AADAC: variants seen among roughly 807,000 people sequenced by gnomAD.
AADAC encodes the protein arylacetamide deacetylase (esterase).
AADAC carries 17 observed loss-of-function variants against 22.7 expected under a neutral mutation model. That is an observed-to-expected ratio of 0.75 (90% CI 0.51 to 1.12). The LOEUF is 1.12. AADAC is among the 50% of genes most tolerant of loss of function. The pLI is 0.00. For synonymous variants in AADAC, 167 were observed against 176.3 expected, an observed-to-expected ratio of 0.95 and a Z score of 0.42; for missense variants, 465 against 473.9, an observed-to-expected ratio of 0.98 and a Z score of 0.17.
rs980283181 is a variant in AADAC at position 151,822,929 on chromosome 3, G to A, written c.432-1734G>A. Among the ~76,000 whole-genome samples, 6 of 151,472 alleles carry A rather than the reference G, an allele frequency of 4.0e-5. 1 individual carries two copies. Among genetic ancestry groups the A allele is most frequent in the Non-Finnish European group, 7.4e-5 (5 of 67,854 alleles). On this transcript the variant is annotated intron_variant, in intron 3 of 4. Transcript: ENST00000232892. The stretch of plus-strand genomic sequence containing the variant: ...TAAAATGGTTATATTAAAAATTAAG[G>A]GCATACTTTTAATGTGTTAATTTTA...
At chr3:151,821,149 G>C (rs1716236958) in intron 3 of AADAC, among the ~76,000 whole-genome samples, 1 of 151,864 alleles carries the variant, frequency 6.6e-6, no homozygotes, top group Non-Finnish European at 1.5e-5. Flanking sequence ...TTCCATCTCA[G>C]ATGGTCACTG....
At position 151,827,977 on chromosome 3, in the gene AADAC, C is replaced by G; in HGVS notation, c.1005C>G (p.Thr335=). Residue 335 remains threonine (T), a synonymous_variant, in exon 5 of 5, where the codon ACC becomes ACG. Coordinates refer to ENST00000232892, the MANE Select transcript of AADAC (RefSeq NM_001086.3). ...ACAAATTACGTGGCTTACCCCTGAC[C>G]TATGTCATCACCTGTCAATATGATC... ...DDNKLRGLPL[T]YVITCQYDLL... is the part of the protein sequence containing the mutation. 2 of 1,612,908 alleles carry G rather than the reference C, an allele frequency of 1.2e-6. No homozygotes were observed. The highest frequency in any genetic ancestry group is 1.7e-6 in the Non-Finnish European group (2 of 1,179,272).
At chr3:151,823,396 A>T (rs1439338604) in intron 3 of AADAC, among the ~76,000 whole-genome samples, 1 of 152,020 alleles carries the variant, frequency 6.6e-6, no homozygotes, top group Non-Finnish European at 1.5e-5. Flanking sequence ...AAGTTTTTAA[A>T]TACATATATA....
At chr3:151,815,297 T>C (rs1013353300) in intron 1 of AADAC, among the ~76,000 whole-genome samples, 1 of 151,870 alleles carries the variant, frequency 6.6e-6, no homozygotes, top group Non-Finnish European at 1.5e-5. Flanking sequence ...CCATTCTAAG[T>C]GCTAAGAAAA....
intron 3 of AADAC, among the ~76,000 whole-genome samples, chr3:151,822,148 A>T (rs1716277672): frequency 6.6e-6 from 1 of 151,944 alleles, no homozygotes; most frequent in Admixed American, 6.6e-5. Flanking sequence ...ACCCACTAGG[A>T]TGGGTATAAT....
rs748240373 is a variant in AADAC at position 151,814,263 on chromosome 3, T to A, written c.101T>A (p.Met34Lys). The A allele has an allele frequency of 6.2e-7, 1 of 1,613,314 alleles. No homozygotes were observed. Among genetic ancestry groups the A allele is most frequent in the African/African-American group, 1.3e-5 (1 of 74,894 alleles). ...AACGTTGAGGAGCCATGGAGAATGA[T>A]GTGGATAAACGCACATCTGAAAACT... Reference protein sequence around the residue: ...PDNVEEPWRMMWINAHLKTIQ... With the variant: ...PDNVEEPWRMKWINAHLKTIQ... Residue 34 changes from methionine (M) to lysine (K), a missense_variant, in exon 1 of 5, where the codon ATG becomes AAG. Coordinates refer to ENST00000232892, the MANE Select transcript of AADAC (RefSeq NM_001086.3).
At chr3:151,824,615 T>A (rs755026725) in intron 3 of AADAC, 48 bp from the exon 4 acceptor site, 1 of 1,315,858 alleles carries the variant, frequency 7.6e-7, no homozygotes, top group South Asian at 1.8e-5. Flanking sequence ...TATTACAGTC[T>A]AATCAAAACA....
Position 151,827,946 on chromosome 3 carries a change from A to G in AADAC, c.974A>G (p.Asp325Gly). Reference sequence around the variant, plus strand: ...GTGAGGGCAGCCCCTTTGTTGGCTGATGACAACAAATTACGTGGCTTACCC... The same window carrying G: ...GTGAGGGCAGCCCCTTTGTTGGCTGGTGACAACAAATTACGTGGCTTACCC... ...LDVRAAPLLA[D>G]DNKLRGLPLT... is the part of the protein sequence containing the mutation. The change falls in exon 5 of 5, where the codon GAT becomes GGT. Residue 325 changes from aspartate (D) to glycine (G), a missense_variant. By Grantham distance (94) the Asp-to-Gly change is moderately conservative. Coordinates refer to ENST00000232892, the MANE Select transcript of AADAC (RefSeq NM_001086.3). The G allele has an allele frequency of 1.2e-6, 2 of 1,611,150 alleles. No homozygotes were observed. The highest frequency in any genetic ancestry group is 1.7e-6 in the Non-Finnish European group (2 of 1,178,070).
intron 3 of AADAC, among the ~76,000 whole-genome samples, chr3:151,821,027 T>C (rs3772438): frequency 6.6e-6 from 1 of 151,432 alleles, no homozygotes; most frequent in African/African-American, 2.4e-5. Context: ...AACTGTATCA[T>C]TTATGGATAT....
intron 4 of AADAC, among the ~76,000 whole-genome samples, chr3:151,826,090 A>G (rs936816963): frequency 1.3e-5 from 2 of 151,960 alleles, no homozygotes; most frequent in Non-Finnish European, 2.9e-5. Flanking sequence ...TGTTAATTAT[A>G]TTTATTTATA....
At chr3:151,821,468 G>A (rs2037365) in intron 3 of AADAC, among the ~76,000 whole-genome samples, 90,874 of 151,530 alleles carry the variant, frequency 0.6, 27,732 homozygotes, top group Non-Finnish European at 0.64. Flanking sequence ...AAATTTCAGA[G>A]AGTAAATGAA....
At position 151,814,257 on chromosome 3, in the gene AADAC, G is replaced by A. The variant is rs1436886941; in HGVS notation, c.95G>A (p.Arg32Lys). Reference sequence around the variant, plus strand: ...CCAGATAACGTTGAGGAGCCATGGAGAATGATGTGGATAAACGCACATCTG... The same window carrying A: ...CCAGATAACGTTGAGGAGCCATGGAAAATGATGTGGATAAACGCACATCTG... ...PLPDNVEEPW[R>K]MMWINAHLKT... The change falls in exon 1 of 5, where the codon AGA (arginine) becomes AAA (lysine). Residue 32 changes from arginine (R) to lysine (K), a missense_variant. Transcript: ENST00000232892. 4 of 1,613,220 alleles carry A rather than the reference G, an allele frequency of 2.5e-6. No individual in the cohort carries two copies. The highest frequency in any genetic ancestry group is 2.2e-5 in the East Asian group (1 of 44,870).
intron 4 of AADAC, among the ~76,000 whole-genome samples, chr3:151,826,376 C>T (rs2108036002): frequency 6.6e-6 from 1 of 151,962 alleles, no homozygotes; most frequent in African/African-American, 2.4e-5. Context: ...GAAAAATGAA[C>T]TCTTTCAACT....
intron 4 of AADAC, among the ~76,000 whole-genome samples, chr3:151,825,492 A>G (rs1188576460): frequency 6.6e-6 from 1 of 151,922 alleles, no homozygotes; most frequent in Admixed American, 6.6e-5. Context: ...CTATTACGCT[A>G]TTAGAGATTC....
intron 2 of AADAC, among the ~76,000 whole-genome samples, chr3:151,819,132 T>G (rs1716127194): frequency 6.6e-6 from 1 of 151,722 alleles, no homozygotes; most frequent in Admixed American, 6.6e-5. Flanking sequence ...TCTGAATGAG[T>G]GCCTCATTTC....
chr3:151,814,446 G>T, intron 1 of AADAC, 146 bp downstream of exon 1: 1 of 858,258 alleles, frequency 1.2e-6, no homozygotes, highest in South Asian at 2.1e-5. Context: ...GTGTTACTTA[G>T]AAATGTTGTT....
intron 4 of AADAC, 126 bp from the exon 5 acceptor site, chr3:151,827,448 TAA>T (rs10579932): frequency 0.76 from 447,161 of 591,866 alleles, 170,973 homozygotes; most frequent in Middle Eastern, 0.8. Context: ...ATTTATTACT[TAA>T]GTCTTTTTGA....
chr3:151,828,216 A>G lies in AADAC; in HGVS notation c.*44A>G, dbSNP rs777003750. ...CATATTTTAAAAATAAAATCTGAAA[A>G]CCTCAGAAAATTTGCATTAGAAATT... is the stretch of plus-strand genomic sequence containing the variant. On this transcript the variant is annotated 3_prime_UTR_variant, in exon 5 of 5. Transcript: ENST00000232892. 1.6e-6 allele frequency: 2 copies of G among 1,270,964 alleles called. No individual in the cohort carries two copies. Among genetic ancestry groups the G allele is most frequent in the Admixed American group, 5.9e-5 (2 of 34,170 alleles). 78.7% of individuals were successfully genotyped at this position (1,270,964 alleles called of 1,614,324 possible). A position where few individuals can be genotyped will look rare whatever the true frequency, so the allele number is the denominator to read the frequency against.
rs1392429301 is a variant in AADAC at position 151,817,416 on chromosome 3, G to C, written c.189G>C (p.Lys63Asn). 3.1e-6 allele frequency: 5 copies of C among 1,613,618 alleles called. No individual in the cohort carries two copies. The highest frequency in any genetic ancestry group is 3.4e-6 in the Non-Finnish European group (4 of 1,179,768). ...LGLHHFMDSF[K>N]VVGSFDEVPP... ...TTCACCATTTTATGGATTCCTTTAA[G>C]GTTGTCGGGAGCTTTGATGAAGTCC... The change falls in exon 2 of 5, where the codon AAG becomes AAC. Residue 63 changes from lysine to asparagine, a missense_variant. By Grantham distance (94) the Lys-to-Asn change is moderately conservative. Transcript: ENST00000232892.
Sources: gnomAD v4.1 joint callset for allele counts (sites outside exome capture counted in the v4.1 genomes callset) on GRCh38, gnomAD v4.1.1 for gene constraint, MANE v1.5 for transcripts, NCBI Gene and HGNC (gene_info 2026-07-23, HGNC 2026-07-21) for gene names.